The following GRAMD1B variants were observed in gnomAD, a reference collection of about 807,000 sequenced individuals.
GRAMD1B encodes protein Aster-B.
A neutral mutation model predicts 99.7 loss-of-function variants in GRAMD1B; 37 were observed. The observed-to-expected ratio is 0.37, with a 90% CI of 0.29 to 0.49. The LOEUF (loss-of-function observed/expected upper bound fraction) is 0.49. Among genes scored for constraint, GRAMD1B ranks in the 20% least tolerant of loss-of-function variants. GRAMD1B has a pLI of 0.98. For missense variants in GRAMD1B, 888 were observed against 1,009.2 expected (o/e 0.88, Z 1.63); for synonymous variants, 427 against 387.6 (o/e 1.10, Z -1.19).
chr11:123,496,950 C>T (rs564669449), intron 2 of GRAMD1B, among the ~76,000 whole-genome samples: 1 of 152,160 alleles, frequency 6.6e-6, no homozygotes, highest in East Asian at 1.9e-4. Context: ...CAGGACTGGT[C>T]CTTGGTGCCT....
intron 2 of GRAMD1B, among the ~76,000 whole-genome samples, chr11:123,548,319 T>C (rs60701617): frequency 0.24 from 24,455 of 103,862 alleles, 3,026 homozygotes; most frequent in African/African-American, 0.35. Flanking sequence ...TATATATATA[T>C]ATATATACAC....
In GRAMD1B at chr11:123,618,755, C is replaced by G. The variant is rs775623707; in HGVS notation, c.2381C>G (p.Thr794Ser). 1.3e-6 allele frequency: 2 copies of G among 1,584,588 alleles called. No individual in the cohort carries two copies. Among genetic ancestry groups the G allele is most frequent in the African/African-American group, 2.7e-5 (2 of 74,240 alleles). ...LFYKLWMLEY[T>S]TQTLTAWQGL... Reference sequence around the variant, plus strand: ...TACAAACTCTGGATGTTGGAATACACCACGCAGACCCTCACTGCCTGGCAG... The same window carrying G: ...TACAAACTCTGGATGTTGGAATACAGCACGCAGACCCTCACTGCCTGGCAG... Residue 794 changes from threonine (T) to serine (S), a missense_variant, in exon 18 of 20, where the codon ACC becomes AGC. This residue lies in a region of GRAMD1B where 232 missense variants were observed against 261.7 expected (regional missense o/e 0.89). Coordinates refer to ENST00000635736, the MANE Select transcript of GRAMD1B (RefSeq NM_001387025.1).
In GRAMD1B at chr11:123,622,716, T is replaced by C. The variant is rs1955280960; in HGVS notation, c.*121T>C. 4.1e-6 allele frequency: 1 copy of C among 246,344 alleles called. No individual in the cohort carries two copies. The highest frequency in any genetic ancestry group is 7.2e-6 in the Non-Finnish European group (1 of 138,192). The allele number at this position is 246,344 out of a possible 1,614,324, so 15.3% of individuals were successfully genotyped here. A position where few individuals can be genotyped will look rare whatever the true frequency, so the allele number is the denominator to read the frequency against. ...AAATATATATATTATATACAGATTT[T>C]AAAAAAGAGATAATGCCTATGTACC... On this transcript the variant is annotated 3_prime_UTR_variant, in exon 20 of 20. Transcript: ENST00000635736.
intron 2 of GRAMD1B, among the ~76,000 whole-genome samples, chr11:123,532,911 T>C (rs899877960): frequency 1.3e-5 from 2 of 152,214 alleles, no homozygotes; most frequent in African/African-American, 4.8e-5. Context: ...TCGAGCCCTT[T>C]ACTCAAAGTT....
intron 2 of GRAMD1B, among the ~76,000 whole-genome samples, chr11:123,548,839 GTT>G (rs1455668853): frequency 6.6e-6 from 1 of 152,262 alleles, no homozygotes; most frequent in East Asian, 1.9e-4. Context: ...AAACTGCTGA[GTT>G]CAAGAGATCC....
In GRAMD1B at chr11:123,625,983, C is replaced by CGAGAGAGAGAGAGAGAGAGAGA. The variant is rs1179214903; in HGVS notation, c.*3391_*3392insAGAGAGAGAGAGAGAGAGAGAG. The CGAGAGAGAGAGAGAGAGAGAGA allele has an allele frequency of 1.1e-5, 1 of 88,672 alleles. No homozygotes were observed. Among genetic ancestry groups the CGAGAGAGAGAGAGAGAGAGAGA allele is most frequent in the African/African-American group, 4.3e-5 (1 of 23,048 alleles). The allele number at this position is 88,672 out of a possible 1,614,324, so 5.5% of individuals were successfully genotyped here. On this transcript the variant is annotated 3_prime_UTR_variant, in exon 20 of 20. Coordinates refer to ENST00000635736, the MANE Select transcript of GRAMD1B (RefSeq NM_001387025.1). ...GAGAGAGAGAGAGAGAGAGAGAGAT[C>CGAGAGAGAGAGAGAGAGAGAGA]GAGCTTGATGTATTGCTCAGTATTC...
At chr11:123,481,059 T>C (rs975013465) in intron 2 of GRAMD1B, among the ~76,000 whole-genome samples, 166 bp downstream of exon 2, 2 of 152,084 alleles carry the variant, frequency 1.3e-5, no homozygotes, top group Non-Finnish European at 2.9e-5. Context: ...GACAAAACTT[T>C]CACCCCATAA....
In GRAMD1B at chr11:123,548,325, T is replaced by TACACACACACACAC. The variant is rs138083511; in HGVS notation, c.453-29030_453-29017dup. ...ATATATATATATATATATATATATA[T>TACACACACACACAC]ACACACACACACACACACACACACA... On this transcript the variant is annotated intron_variant, in intron 2 of 19. Transcript: ENST00000635736. 9.9e-4 allele frequency among the ~76,000 whole-genome samples: 86 copies of TACACACACACACAC among 86,862 alleles called. 2 individuals carry two copies. Among genetic ancestry groups the TACACACACACACAC allele is most frequent in the Admixed American group, 1.6e-3 (13 of 7,958 alleles). 57.0% of individuals were successfully genotyped at this position (86,862 alleles called of 152,430 possible). A position where few individuals can be genotyped will look rare whatever the true frequency, so the allele number is the denominator to read the frequency against.
chr11:123,514,758 G>A (rs1941509717), intron 2 of GRAMD1B, among the ~76,000 whole-genome samples: 1 of 152,200 alleles, frequency 6.6e-6, no homozygotes, highest in Non-Finnish European at 1.5e-5. Flanking sequence ...GTTTGCTTTT[G>A]AGAAAGTACT....
intron 1 of GRAMD1B, among the ~76,000 whole-genome samples, chr11:123,405,219 TGAAA>T (rs997840527): frequency 1.5e-5 from 2 of 133,548 alleles, no homozygotes; most frequent in Non-Finnish European, 3.1e-5. Flanking sequence ...TGTGTGTGTG[TGAAA>T]GAGAGAGAGA....
chr11:123,529,647 G>A (rs1018920388), intron 2 of GRAMD1B, among the ~76,000 whole-genome samples: 1 of 152,200 alleles, frequency 6.6e-6, no homozygotes, highest in Non-Finnish European at 1.5e-5. Context: ...TAGTGATTTG[G>A]AAGCCAAGAA....
chr11:123,404,331 T>G (rs1947780330), intron 1 of GRAMD1B, among the ~76,000 whole-genome samples: 1 of 152,236 alleles, frequency 6.6e-6, no homozygotes, highest in Admixed American at 6.5e-5. Context: ...GTGGGAATAC[T>G]TTTCAAAGAG....
chr11:123,429,116 C>T (rs1298872866), upstream of GRAMD1B, among the ~76,000 whole-genome samples: 1 of 152,124 alleles, frequency 6.6e-6, no homozygotes, highest in Non-Finnish European at 1.5e-5. The surrounding 1 kb of genome is among the most constrained non-coding windows in gnomAD (Gnocchi z 4.0). Context: ...CAGCTTGAGC[C>T]CAGGAATTCA....
intron 1 of GRAMD1B, among the ~76,000 whole-genome samples, chr11:123,404,445 A>C (rs990408492): frequency 5.3e-5 from 8 of 152,238 alleles, no homozygotes; most frequent in African/African-American, 1.9e-4. Flanking sequence ...TTTTCAATAG[A>C]ATAAATTAGT....
intron 1 of GRAMD1B, among the ~76,000 whole-genome samples, chr11:123,414,977 T>C (rs1433529598): frequency 6.6e-6 from 1 of 152,182 alleles, no homozygotes; most frequent in Non-Finnish European, 1.5e-5. Flanking sequence ...TAGTTCATAT[T>C]TGCTAAAACA....
chr11:123,474,048 C>A (rs139218682), intron 1 of GRAMD1B, among the ~76,000 whole-genome samples: 2 of 152,200 alleles, frequency 1.3e-5, no homozygotes, highest in African/African-American at 4.8e-5. Context: ...GTGGTGAGGC[C>A]CTACTTTTCA....
chr11:123,410,152 C>T (rs1947990495), intron 1 of GRAMD1B, among the ~76,000 whole-genome samples: 1 of 151,726 alleles, frequency 6.6e-6, no homozygotes, highest in South Asian at 2.1e-4. Context: ...CAACTCAGGA[C>T]TCATAGAAGA....
intron 4 of GRAMD1B, among the ~76,000 whole-genome samples, chr11:123,586,089 C>A (rs945043398): frequency 1.3e-5 from 2 of 151,780 alleles, no homozygotes; most frequent in African/African-American, 4.9e-5. Flanking sequence ...TCCTTTCCCC[C>A]TGTTTCCTTC....
intron 2 of GRAMD1B, among the ~76,000 whole-genome samples, chr11:123,506,321 C>A (rs968850491): frequency 6.6e-6 from 1 of 152,148 alleles, no homozygotes; most frequent in Non-Finnish European, 1.5e-5. Context: ...GAACTTGGTG[C>A]TTGTGCTTCC....
Sources: gnomAD v4.1 joint callset for allele counts (sites outside exome capture counted in the v4.1 genomes callset) on GRCh38, gnomAD v4.1.1 for gene constraint, gnomAD v4.1.1 regional missense constraint, Gnocchi (gnomAD v3.1) non-coding constraint, MANE v1.5 for transcripts, NCBI Gene and HGNC (gene_info 2026-07-23, HGNC 2026-07-21) for gene names.